Variants in DLC1 observed in about 807,000 individuals in gnomAD.
DLC1 encodes the protein rho GTPase-activating protein 7.
In DLC1, 54 loss-of-function variants were observed where a neutral mutation model predicts 140.3. That is an observed-to-expected ratio of 0.38 (90% CI 0.31 to 0.48). DLC1 has a LOEUF of 0.48. Among genes scored for constraint, DLC1 ranks in the 20% least tolerant of loss-of-function variants. DLC1 has a pLI of 0.96. For synonymous variants in DLC1, 986 were observed against 728.1 expected (o/e 1.35, Z -5.70); for missense variants, 2,536 against 1,907.0 (o/e 1.33, Z -6.14).
chr8:13,343,590 T>C, intron 4 of DLC1, among the ~76,000 whole-genome samples: 1 of 152,206 alleles, frequency 6.6e-6, no homozygotes, highest in East Asian at 1.9e-4. Context: ...GATATTGTTG[T>C]TATCCCCATT....
chr8:13,297,009 A>T (rs1164082774), intron 5 of DLC1, among the ~76,000 whole-genome samples: 1 of 152,034 alleles, frequency 6.6e-6, no homozygotes, highest in Non-Finnish European at 1.5e-5. Context: ...CAAAAATACC[A>T]ACAGAAAATG....
At chr8:13,470,528 C>G (rs575020259) in intron 2 of DLC1, among the ~76,000 whole-genome samples, 22 of 152,266 alleles carry the variant, frequency 1.4e-4, no homozygotes, top group Admixed American at 1.2e-3. Flanking sequence ...CTTGCCATCA[C>G]TAATCATCAA....
Position 13,593,064 on chromosome 8 carries a change from A to T in DLC1, c.-126+11473T>A, listed in dbSNP as rs1585312664. 2.6e-5 allele frequency among the ~76,000 whole-genome samples: 4 copies of T among 152,092 alleles called. No homozygotes were observed. The South Asian group carries it at 8.3e-4, about 32-fold the overall frequency. Reference sequence around the variant, plus strand: ...ATAAGATATTACAGTCTGAAGTAGCAAGGCTGTTCAAATTTCTTCTGAAGT... The same window carrying T: ...ATAAGATATTACAGTCTGAAGTAGCTAGGCTGTTCAAATTTCTTCTGAAGT... On this transcript the variant is annotated intron_variant, in intron 1 of 1. Coordinates refer to the DLC1 transcript ENST00000631382.
At chr8:13,382,393 G>T (rs1219961586) in intron 4 of DLC1, among the ~76,000 whole-genome samples, 16 of 149,558 alleles carry the variant, frequency 1.1e-4, no homozygotes, top group Non-Finnish European at 2.1e-4. Context: ...TGTAGTCCCA[G>T]CTACTCGGGA....
intron 2 of DLC1, among the ~76,000 whole-genome samples, chr8:13,453,801 G>A (rs1799267024): frequency 6.6e-6 from 1 of 151,522 alleles, no homozygotes; most frequent in Non-Finnish European, 1.5e-5. Flanking sequence ...TTATAACGAT[G>A]TCTTCTTTAT....
At position 13,386,836 on chromosome 8, in the gene DLC1, A is replaced by T. The variant is rs529270811; in HGVS notation, c.1314+6717T>A. Among the ~76,000 whole-genome samples, 344 of 152,164 alleles carry T rather than the reference A, an allele frequency of 2.3e-3. 1 individual carries two copies. Among genetic ancestry groups the T allele is most frequent in the African/African-American group, 7.4e-3 (308 of 41,562 alleles). On this transcript the variant is annotated intron_variant, in intron 4 of 17. Coordinates refer to ENST00000276297, the MANE Select transcript of DLC1 (RefSeq NM_182643.3). ...CTCTCTGGTGACTCAGTTCTTCCTTAAAAAGCTATAAATTTTGCCTATTTT... is the reference window on the plus strand; with the variant it reads ...CTCTCTGGTGACTCAGTTCTTCCTTTAAAAGCTATAAATTTTGCCTATTTT...
chr8:13,426,707 T>A (rs1459072483), intron 2 of DLC1, among the ~76,000 whole-genome samples: 2 of 152,176 alleles, frequency 1.3e-5, no homozygotes, highest in Non-Finnish European at 2.9e-5. Context: ...CAGATCTGTG[T>A]TCTTTCCATT....
At chr8:13,181,632 C>T (rs999894151) in intron 5 of DLC1, among the ~76,000 whole-genome samples, 1 of 152,056 alleles carries the variant, frequency 6.6e-6, no homozygotes, top group African/African-American at 2.4e-5. Flanking sequence ...TGATGGTTTA[C>T]AGCTTCATCC....
intron 2 of DLC1, among the ~76,000 whole-genome samples, chr8:13,435,531 C>G (rs1027563256): frequency 6.6e-6 from 1 of 152,144 alleles, no homozygotes; most frequent in Admixed American, 6.5e-5. Flanking sequence ...TCAGGCTGGT[C>G]TTGAACTCCT....
At chr8:13,176,940 C>T (rs116146614) in intron 5 of DLC1, among the ~76,000 whole-genome samples, 2,675 of 152,124 alleles carry the variant, frequency 0.018, 78 homozygotes, top group African/African-American at 0.06. Context: ...GGATGGTGGG[C>T]GGCTTCCAGG....
chr8:13,133,486 T>G (rs1287948801), intron 5 of DLC1: 4 of 144,212 alleles, frequency 2.8e-5, no homozygotes, highest in South Asian at 1.9e-4. Context: ...GGCCGCCCTC[T>G]AGCCCCGCCC....
chr8:13,142,789 C>T (rs1177763049), intron 5 of DLC1, among the ~76,000 whole-genome samples: 1 of 152,168 alleles, frequency 6.6e-6, no homozygotes, highest in African/African-American at 2.4e-5. Context: ...GTGGCTCACG[C>T]CTGTAATCCC....
At chr8:13,213,548 T>C (rs995649794) in intron 5 of DLC1, among the ~76,000 whole-genome samples, 2 of 152,162 alleles carry the variant, frequency 1.3e-5, no homozygotes, top group African/African-American at 2.4e-5. Context: ...CACTAATGAG[T>C]TGGCTTTTTG....
intron 5 of DLC1, among the ~76,000 whole-genome samples, chr8:13,190,811 C>T (rs1208042710): frequency 6.6e-6 from 1 of 152,086 alleles, no homozygotes; most frequent in African/African-American, 2.4e-5. Flanking sequence ...TGATGCTGAC[C>T]TCACCTAGAG....
chr8:13,546,238 G>A (rs2117343329), intron 1 of DLC1, among the ~76,000 whole-genome samples: 2 of 152,148 alleles, frequency 1.3e-5, no homozygotes, highest in Admixed American at 1.3e-4. Flanking sequence ...AATACTCATG[G>A]AATTTTATGG....
At chr8:13,568,124 C>T in intron 1 of DLC1, 1 of 728,030 alleles carries the variant, frequency 1.4e-6, no homozygotes, top group Non-Finnish European at 2.1e-6. Flanking sequence ...GTTATAAAAA[C>T]TTTTACAAAA....
chr8:13,174,452 C>T (rs1045669257), intron 5 of DLC1, among the ~76,000 whole-genome samples: 4 of 152,190 alleles, frequency 2.6e-5, no homozygotes, highest in African/African-American at 9.7e-5. Context: ...CCACTTTCTG[C>T]AGTGGCTGAA....
At chr8:13,197,133 G>C (rs963276785) in intron 5 of DLC1, among the ~76,000 whole-genome samples, 1 of 152,112 alleles carries the variant, frequency 6.6e-6, no homozygotes, top group Non-Finnish European at 1.5e-5. Flanking sequence ...GGGGTCTGAG[G>C]ATGTCTAGTG....
intron 1 of DLC1, among the ~76,000 whole-genome samples, chr8:13,562,472 T>G (rs1051169262): frequency 6.6e-6 from 1 of 152,210 alleles, no homozygotes; most frequent in Non-Finnish European, 1.5e-5. Context: ...GAAATGGTGT[T>G]CATTCTTACT....
Sources: gnomAD v4.1 joint callset for allele counts (sites outside exome capture counted in the v4.1 genomes callset) on GRCh38, gnomAD v4.1.1 for gene constraint, MANE v1.5 for transcripts, NCBI Gene and HGNC (gene_info 2026-07-23, HGNC 2026-07-21) for gene names.